The following THEMIS variants were observed in gnomAD, a reference collection of about 807,000 sequenced individuals.
THEMIS encodes the protein thymocyte selection associated, also known as protein THEMIS.
THEMIS carries 37 observed loss-of-function variants against 52.6 expected under a neutral mutation model. That is an observed-to-expected ratio of 0.70 (90% CI 0.54 to 0.93). The LOEUF (loss-of-function observed/expected upper bound fraction) is 0.93. Among genes scored for constraint, THEMIS ranks in the 40% least tolerant of loss-of-function variants. The pLI, the probability that THEMIS is intolerant of heterozygous loss-of-function variation, is 0.00. For synonymous variants in THEMIS, 292 were observed against 272.7 expected, an observed-to-expected ratio of 1.07 and a Z score of -0.70; for missense variants, 808 against 763.1, an observed-to-expected ratio of 1.06 and a Z score of -0.69.
intron 5 of THEMIS, among the ~76,000 whole-genome samples, chr6:127,715,516 C>A (rs999376340): frequency 3.3e-5 from 5 of 151,860 alleles, no homozygotes; most frequent in African/African-American, 9.7e-5. Flanking sequence ...TAATATAGAA[C>A]CTCTGACTTG....
Position 127,813,608 on chromosome 6 carries a change from G to T in THEMIS, c.1033C>A (p.Arg345=). ...PTSYKGKFKR[R]PREFPTAYDL... Reference sequence around the variant, plus strand: ...TAGGCCGTTGGGAACTCCCTCGGTCGCCGCTTGAACTTGCCTTTATAGCTA... The same window carrying T: ...TAGGCCGTTGGGAACTCCCTCGGTCTCCGCTTGAACTTGCCTTTATAGCTA... Residue 345 remains arginine (R), a synonymous_variant, in exon 4 of 6, where the codon CGA becomes AGA. Transcript: ENST00000368248. 1 of 1,614,042 alleles carries T rather than the reference G, an allele frequency of 6.2e-7. No individual in the cohort carries two copies. Among genetic ancestry groups the T allele is most frequent in the Non-Finnish European group, 8.5e-7 (1 of 1,179,980 alleles).
rs540678885 is a variant in THEMIS at position 127,848,149 on chromosome 6, C to T, written c.250+6881G>A. Among the ~76,000 whole-genome samples the T allele has an allele frequency of 4.6e-3, 676 of 146,164 alleles. 12 individuals are homozygous for T. Among genetic ancestry groups the T allele is most frequent in the Non-Finnish European group, 7.3e-3 (490 of 66,960 alleles). On this transcript the variant is annotated intron_variant, in intron 2 of 5. Coordinates refer to ENST00000368248, the MANE Select transcript of THEMIS (RefSeq NM_001010923.3). ...CCATGTGTTCTCATTGTTCAATTCC[C>T]ACCTATGAATGAGAACATGCGGTGT...
chr6:127,861,550 A>C (rs270038), intron 1 of THEMIS, among the ~76,000 whole-genome samples: 1 of 151,700 alleles, frequency 6.6e-6, no homozygotes, highest in South Asian at 2.1e-4. Context: ...TTGGGAGGCC[A>C]AGGTGGGTGG....
chr6:127,782,343 T>C (rs1228944472), intron 4 of THEMIS, among the ~76,000 whole-genome samples: 1 of 151,774 alleles, frequency 6.6e-6, no homozygotes, highest in Admixed American at 6.6e-5. Flanking sequence ...TCCACTGGGG[T>C]AGGAAAAAAA....
intron 4 of THEMIS, among the ~76,000 whole-genome samples, chr6:127,746,758 TATTATATAATTATATTATATATA>T (rs1775409528): frequency 1.3e-5 from 1 of 79,914 alleles, no homozygotes; most frequent in African/African-American, 5.8e-5. Flanking sequence ...AATTATATAT[TATTATATAATTATATTATATATA>T]ATTATATATT....
chr6:127,698,231 T>C, the THEMIS span, among the ~76,000 whole-genome samples: 1 of 152,140 alleles, frequency 6.6e-6, no homozygotes, highest in Admixed American at 6.5e-5. Flanking sequence ...TAAAATAATG[T>C]TCAGATGATT....
chr6:127,773,935 C>T (rs148847784), intron 4 of THEMIS, among the ~76,000 whole-genome samples: 3 of 152,094 alleles, frequency 2.0e-5, no homozygotes, highest in African/African-American at 4.8e-5. Flanking sequence ...TAATTTAAAA[C>T]GAGATAATTT....
At chr6:127,720,254 A>G (rs1279556788) in intron 4 of THEMIS, among the ~76,000 whole-genome samples, 1 of 152,010 alleles carries the variant, frequency 6.6e-6, no homozygotes, top group African/African-American at 2.4e-5. Flanking sequence ...AAAACAAATC[A>G]TAACATCTAC....
Position 127,829,638 on chromosome 6 carries a change from T to G in THEMIS, c.547A>C (p.Thr183Pro). Residue 183 changes from threonine (T) to proline (P), a missense_variant, in exon 3 of 6, where the codon ACT (threonine) becomes CCT (proline). Physicochemically the swap from Thr to Pro is conservative, Grantham distance 38. Transcript: ENST00000368248. ...TTCCATTCAACAATCTCCTTTAGAG[T>G]GTAAATACGTTCATCTTCACACTCG... is the stretch of plus-strand genomic sequence containing the variant. The part of the protein sequence containing the change: ...FYECEDERIY[T>P]LKEIVEWKIP... 1 of 1,614,074 alleles carries G rather than the reference T, an allele frequency of 6.2e-7. No homozygotes were observed. Among genetic ancestry groups the G allele is most frequent in the Non-Finnish European group, 8.5e-7 (1 of 1,180,004 alleles).
intron 2 of THEMIS, among the ~76,000 whole-genome samples, chr6:127,849,620 G>A (rs1275054133): frequency 1.3e-5 from 2 of 151,774 alleles, no homozygotes; most frequent in African/African-American, 4.8e-5. Flanking sequence ...CATCAACAAA[G>A]CATACAAAAA....
chr6:127,913,177 T>C (rs902095529), intron 1 of THEMIS, among the ~76,000 whole-genome samples: 8 of 152,156 alleles, frequency 5.3e-5, no homozygotes, highest in Non-Finnish European at 1.0e-4. Context: ...GAGCATCAAG[T>C]AATCCCTCAT....
downstream of THEMIS, among the ~76,000 whole-genome samples, chr6:127,706,141 C>T (rs945049664): frequency 6.6e-6 from 1 of 151,764 alleles, no homozygotes; most frequent in Non-Finnish European, 1.5e-5. Context: ...AAAGAAAACT[C>T]AAAGAAGAAA....
intron 4 of THEMIS, among the ~76,000 whole-genome samples, chr6:127,755,448 A>T (rs1011168036): frequency 6.6e-6 from 1 of 152,082 alleles, no homozygotes; most frequent in African/African-American, 2.4e-5. Flanking sequence ...ATTTTTTTTT[A>T]AATTACCCTA....
chr6:127,883,402 A>G (rs1780546952), intron 1 of THEMIS, among the ~76,000 whole-genome samples: 2 of 150,272 alleles, frequency 1.3e-5, no homozygotes, highest in African/African-American at 5.0e-5. Flanking sequence ...TATAAATATA[A>G]TAAATTAACT....
At chr6:127,840,454 C>T (rs1360882885) in intron 2 of THEMIS, among the ~76,000 whole-genome samples, 2 of 152,060 alleles carry the variant, frequency 1.3e-5, no homozygotes, top group Non-Finnish European at 2.9e-5. Context: ...TGGAAAACAA[C>T]AGAAACAAAT....
chr6:127,863,727 A>G (rs908049645), intron 1 of THEMIS, among the ~76,000 whole-genome samples: 29 of 152,164 alleles, frequency 1.9e-4, no homozygotes, highest in African/African-American at 6.5e-4. Flanking sequence ...AAATATGTGT[A>G]CTTAAGTGTT....
intron 5 of THEMIS, among the ~76,000 whole-genome samples, chr6:127,710,761 C>A (rs896272181): frequency 6.6e-6 from 1 of 151,814 alleles, no homozygotes; most frequent in Non-Finnish European, 1.5e-5. Flanking sequence ...TAAAAGAAGC[C>A]CTAAAAGTAA....
At chr6:127,901,176 A>G (rs1427224792), upstream of THEMIS, 1 of 550,734 alleles carries the variant, frequency 1.8e-6, no homozygotes, top group East Asian at 3.0e-5. Context: ...TTTCCTTCTG[A>G]CATTGAAGTT....
At chr6:127,740,489 T>C (rs1265242808) in intron 4 of THEMIS, among the ~76,000 whole-genome samples, 1 of 152,146 alleles carries the variant, frequency 6.6e-6, no homozygotes, top group African/African-American at 2.4e-5. Flanking sequence ...CAAACTCAAC[T>C]GCATAGTCAG....
Sources: allele counts gnomAD v4.1 joint callset (sites outside exome capture counted in the v4.1 genomes callset), GRCh38; gene constraint gnomAD v4.1.1; transcripts MANE v1.5; gene names NCBI Gene and HGNC (gene_info 2026-07-23, HGNC 2026-07-21).